Variants in AKR1D1 observed in about 807,000 individuals in gnomAD.
AKR1D1 encodes the protein aldo-keto reductase family 1 member D1.
In AKR1D1, 32 loss-of-function variants were observed where a neutral mutation model predicts 42.6. The observed-to-expected ratio is 0.75, with a 90% CI of 0.57 to 1.01. The LOEUF is 1.01. AKR1D1 is among the 50% of genes least tolerant of loss of function. The pLI is 0.00. For missense variants in AKR1D1, 364 were observed against 402.2 expected, an observed-to-expected ratio of 0.91 and a Z score of 0.81; for synonymous variants, 123 against 135.5, an observed-to-expected ratio of 0.91 and a Z score of 0.64.
At chr7:138,094,384 A>G (rs556118214) in intron 3 of AKR1D1, among the ~76,000 whole-genome samples, 1 of 152,232 alleles carries the variant, frequency 6.6e-6, no homozygotes, top group South Asian at 2.1e-4. Flanking sequence ...GCTTGGTGGC[A>G]TGTGCCTGTG....
intron 7 of AKR1D1, among the ~76,000 whole-genome samples, chr7:138,112,436 G>C (rs1165737666): frequency 6.6e-6 from 1 of 152,122 alleles, no homozygotes; most frequent in Non-Finnish European, 1.5e-5. Flanking sequence ...GAATACCATG[G>C]CTAAATGAAT....
chr7:138,113,794 T>C (rs1014190147), intron 8 of AKR1D1, 22 bp downstream of exon 8: 1 of 1,605,472 alleles, frequency 6.2e-7, no homozygotes, highest in Non-Finnish European at 8.5e-7. Flanking sequence ...GGATCATTAA[T>C]GGGTATTGAC....
In AKR1D1 at chr7:138,088,897, G is replaced by GGTTTGTTT. The variant is rs148566795; in HGVS notation, c.261+147_261+154dup. 61 of 1,059,610 alleles carry GGTTTGTTT rather than the reference G, an allele frequency of 5.8e-5. No homozygotes were observed. In the South Asian group the frequency reaches 6.0e-4, roughly 10 times the overall value. The allele number at this position is 1,059,610 out of a possible 1,614,324, so 65.6% of individuals were successfully genotyped here. On this transcript the variant is annotated intron_variant, in intron 2 of 8. Coordinates refer to ENST00000242375, the MANE Select transcript of AKR1D1 (RefSeq NM_005989.4). ...GTAGGCAGTACTTAATAACAGTTTG[G>GGTTTGTTT]GTTTGTTTGTTTGTTTGTTTGTTTG...
At position 138,113,417 on chromosome 7, in the gene AKR1D1, T is replaced by C. The variant is rs1214756492; in HGVS notation, c.856-273T>C. ...CATTTCATACAGAAATAAGAATTCT[T>C]CACATTTGAAATTTTAGGGGATTTC... On this transcript the variant is annotated intron_variant, in intron 7 of 8. Coordinates refer to ENST00000242375, the MANE Select transcript of AKR1D1 (RefSeq NM_005989.4). Among the ~76,000 whole-genome samples the C allele has an allele frequency of 2.6e-5, 4 of 152,192 alleles. No individual in the cohort carries two copies. The East Asian group carries it at 7.7e-4, about 29-fold the overall frequency.
rs375807696 is a variant in AKR1D1, at chr7:138,088,785, A to G, written c.261+17A>G. On this transcript the variant is annotated intron_variant, in intron 2 of 8. Coordinates refer to ENST00000242375, the MANE Select transcript of AKR1D1 (RefSeq NM_005989.4). ...TGTGGAAAGGTGAGATCTTGCCTTC[A>G]GCCTCCACTGGGGACAGTGAGAAGG... 5.7e-6 allele frequency: 9 copies of G among 1,579,598 alleles called. No homozygotes were observed. Among genetic ancestry groups the G allele is most frequent in the Non-Finnish European group, 7.7e-6 (9 of 1,161,636 alleles).
chr7:138,091,074 A>G (rs1414660124), intron 2 of AKR1D1, among the ~76,000 whole-genome samples: 1 of 152,216 alleles, frequency 6.6e-6, no homozygotes, highest in African/African-American at 2.4e-5. Flanking sequence ...CATCTAGAAC[A>G]TTGTGTAACC....
chr7:138,094,502 A>G (rs1363186202), intron 3 of AKR1D1, among the ~76,000 whole-genome samples: 1 of 151,930 alleles, frequency 6.6e-6, no homozygotes, highest in Non-Finnish European at 1.5e-5. Flanking sequence ...GTGACAGAGC[A>G]AGACCCTGTC....
rs1004359528 is a variant in AKR1D1, at chr7:138,076,509, G to C, written c.-10G>C. The C allele has an allele frequency of 9.3e-6, 15 of 1,611,160 alleles. No homozygotes were observed. Among genetic ancestry groups the C allele is most frequent in the Non-Finnish European group, 1.3e-5 (15 of 1,177,698 alleles). ...TGTTCAGAATCACTCCTACAGTCAG[G>C]TTCTCCACAATGGATCTCAGTGCTG... is the stretch of plus-strand genomic sequence containing the variant. On this transcript the variant is annotated 5_prime_UTR_variant, in exon 1 of 9. Transcript: ENST00000242375.
chr7:138,080,365 C>T (rs1803028343), intron 1 of AKR1D1, among the ~76,000 whole-genome samples: 1 of 152,074 alleles, frequency 6.6e-6, no homozygotes. Flanking sequence ...CCACTATGCC[C>T]AGCCCAATGA....
At chr7:138,096,228 C>T (rs540068144) in intron 3 of AKR1D1, among the ~76,000 whole-genome samples, 3 of 151,050 alleles carry the variant, frequency 2.0e-5, no homozygotes, top group Admixed American at 1.3e-4. Flanking sequence ...ACAACAACAA[C>T]GGAAAAAGAA....
rs1393360460 is a variant in AKR1D1, at chr7:138,116,744, AAG to A, written c.*89_*90del. 7.8e-7 allele frequency: 1 copy of A among 1,277,880 alleles called. No individual in the cohort carries two copies. The highest frequency in any genetic ancestry group is 1.1e-6 in the Non-Finnish European group (1 of 880,244). 79.2% of individuals were successfully genotyped at this position (1,277,880 alleles called of 1,614,324 possible). A position where few individuals can be genotyped will look rare whatever the true frequency, so the allele number is the denominator to read the frequency against. On this transcript the variant is annotated 3_prime_UTR_variant, in exon 9 of 9. Coordinates refer to ENST00000242375, the MANE Select transcript of AKR1D1 (RefSeq NM_005989.4). ...GGGTAGTCCCCTAGATGTGAAAATGAAGAGAGAGGGTTTTACCATCCTGAGAA... is the reference window on the plus strand; with the variant it reads ...GGGTAGTCCCCTAGATGTGAAAATGAAGAGAGGGTTTTACCATCCTGAGAA...
chr7:138,090,413 G>A (rs574875809), intron 2 of AKR1D1, among the ~76,000 whole-genome samples: 1 of 152,178 alleles, frequency 6.6e-6, no homozygotes, highest in Non-Finnish European at 1.5e-5. Flanking sequence ...GAGGAGGAAG[G>A]ATCACTTGAG....
chr7:138,084,164 T>G (rs1246969672), intron 1 of AKR1D1, among the ~76,000 whole-genome samples: 1 of 152,094 alleles, frequency 6.6e-6, no homozygotes, highest in African/African-American at 2.4e-5. Context: ...ATTTCTGCAT[T>G]CAGACTTTCC....
chr7:138,115,218 G>T (rs1387276693), intron 8 of AKR1D1, among the ~76,000 whole-genome samples: 1 of 152,116 alleles, frequency 6.6e-6, no homozygotes, highest in Admixed American at 6.6e-5. Context: ...TAAGATAGGA[G>T]AATCACTTGA....
intron 4 of AKR1D1, among the ~76,000 whole-genome samples, chr7:138,100,620 A>G (rs911251772): frequency 6.6e-6 from 1 of 151,846 alleles, no homozygotes; most frequent in African/African-American, 2.4e-5. Flanking sequence ...CCCTAATAAC[A>G]GAGCTTCAAA....
chr7:138,100,850 G>A (rs1794292781), intron 4 of AKR1D1, among the ~76,000 whole-genome samples: 1 of 150,582 alleles, frequency 6.6e-6, no homozygotes, highest in Non-Finnish European at 1.5e-5. Flanking sequence ...GACTATAGGT[G>A]CCCGCCACCA....
At chr7:138,091,122 T>C (rs920866804) in intron 2 of AKR1D1, 13 of 156,890 alleles carry the variant, frequency 8.3e-5, no homozygotes, top group African/African-American at 3.1e-4. Flanking sequence ...GCACTAAGCA[T>C]CAGGAAATTC....
intron 3 of AKR1D1, among the ~76,000 whole-genome samples, chr7:138,094,893 A>AT (rs1461160192): frequency 6.6e-6 from 1 of 152,148 alleles, no homozygotes; most frequent in Admixed American, 6.5e-5. Context: ...GCACTTTATT[A>AT]TTTTTTAAGT....
At chr7:138,082,662 T>G (rs891342700) in intron 1 of AKR1D1, among the ~76,000 whole-genome samples, 1 of 152,228 alleles carries the variant, frequency 6.6e-6, no homozygotes, top group Non-Finnish European at 1.5e-5. Flanking sequence ...GTGCTGAGAT[T>G]ATAGGCATGA....
Sources: allele counts gnomAD v4.1 joint callset (sites outside exome capture counted in the v4.1 genomes callset), GRCh38; gene constraint gnomAD v4.1.1; transcripts MANE v1.5; gene names NCBI Gene and HGNC (gene_info 2026-07-23, HGNC 2026-07-21).